The following SORCS1 variants were observed in gnomAD, a reference collection of about 807,000 sequenced individuals.
SORCS1 encodes the protein VPS10 domain-containing receptor SorCS1.
A neutral mutation model predicts 146.1 loss-of-function variants in SORCS1; 60 were observed. The ratio of observed to expected loss-of-function variants is 0.41; its 90% CI spans 0.33 to 0.51. The LOEUF is 0.51. Among genes scored for constraint, SORCS1 ranks in the 20% least tolerant of loss-of-function variants. SORCS1 has a pLI of 0.21. For synonymous variants in SORCS1, 637 were observed against 584.0 expected, an observed-to-expected ratio of 1.09 and a Z score of -1.31; for missense variants, 1,352 against 1,487.6, an observed-to-expected ratio of 0.91 and a Z score of 1.50.
intron 1 of SORCS1, among the ~76,000 whole-genome samples, chr10:107,012,675 T>C (rs887378314): frequency 1.3e-5 from 2 of 152,184 alleles, no homozygotes; most frequent in Non-Finnish European, 2.9e-5. Flanking sequence ...CTGCCTCTAG[T>C]GTCCACATGT....
intron 5 of SORCS1, among the ~76,000 whole-genome samples, chr10:106,753,188 T>A (rs1036137218): frequency 3.3e-5 from 5 of 152,188 alleles, no homozygotes; most frequent in Non-Finnish European, 7.3e-5. Flanking sequence ...TTAGACTTCA[T>A]CCTATTTCCA....
chr10:107,040,275 A>G (rs1177738808), intron 1 of SORCS1, among the ~76,000 whole-genome samples: 1 of 152,050 alleles, frequency 6.6e-6, no homozygotes, highest in Non-Finnish European at 1.5e-5. Flanking sequence ...TCTTCTTGCC[A>G]TGTTAATTTC....
At chr10:106,996,194 T>C (rs1344259107) in intron 1 of SORCS1, among the ~76,000 whole-genome samples, 1 of 136,278 alleles carries the variant, frequency 7.3e-6, no homozygotes, top group Non-Finnish European at 1.5e-5. Context: ...GCCACTGTAC[T>C]CCAGCCTGGG....
intron 2 of SORCS1, among the ~76,000 whole-genome samples, chr10:106,850,206 G>A (rs1321954664): frequency 6.6e-6 from 1 of 151,988 alleles, no homozygotes; most frequent in Non-Finnish European, 1.5e-5. Flanking sequence ...CTTGCAGTTT[G>A]ATCTCAGACT....
intron 13 of SORCS1, among the ~76,000 whole-genome samples, chr10:106,675,753 A>G (rs1010405525): frequency 6.6e-6 from 1 of 152,176 alleles, no homozygotes; most frequent in African/African-American, 2.4e-5. Context: ...CTAATCGCCA[A>G]TATGATGATT....
chr10:106,991,571 T>G (rs909525170), intron 1 of SORCS1, among the ~76,000 whole-genome samples: 1 of 152,226 alleles, frequency 6.6e-6, no homozygotes, highest in African/African-American at 2.4e-5. Context: ...AAAGTAGTTA[T>G]GCCTTTTGAA....
intron 24 of SORCS1, among the ~76,000 whole-genome samples, chr10:106,580,584 C>T (rs1844846178): frequency 6.6e-6 from 1 of 152,172 alleles, no homozygotes; most frequent in Admixed American, 6.5e-5. Flanking sequence ...TCAACTTAAG[C>T]AAAGCCTGAT....
intron 2 of SORCS1, among the ~76,000 whole-genome samples, chr10:106,900,597 G>C (rs1469021340): frequency 1.3e-5 from 2 of 152,114 alleles, no homozygotes; most frequent in African/African-American, 4.8e-5. Flanking sequence ...GTGAGATTAA[G>C]CTTCAATCAT....
chr10:106,592,668 T>G (rs770906000), intron 24 of SORCS1, among the ~76,000 whole-genome samples: 10 of 151,318 alleles, frequency 6.6e-5, no homozygotes, highest in Non-Finnish European at 1.3e-4. Flanking sequence ...CAATGGTTCT[T>G]TTTTTTTTCT....
intron 5 of SORCS1, among the ~76,000 whole-genome samples, chr10:106,760,816 GGGA>G (rs1859049581): frequency 6.6e-6 from 1 of 152,036 alleles, no homozygotes; most frequent in Non-Finnish European, 1.5e-5. Context: ...ACATGACAAG[GGGA>G]AGGCCGGCCA....
At chr10:106,922,780 G>C (rs1029273613) in intron 2 of SORCS1, among the ~76,000 whole-genome samples, 1 of 152,016 alleles carries the variant, frequency 6.6e-6, no homozygotes, top group Non-Finnish European at 1.5e-5. Context: ...TAATAACAAT[G>C]TGTCCACCAT....
intron 3 of SORCS1, among the ~76,000 whole-genome samples, chr10:106,826,078 T>C (rs2136973593): frequency 6.6e-6 from 1 of 152,328 alleles, no homozygotes; most frequent in East Asian, 1.9e-4. Flanking sequence ...TATTCTGGAC[T>C]CTGATCCCCG....
chr10:106,730,625 G>A (rs187947432), intron 5 of SORCS1, among the ~76,000 whole-genome samples: 9 of 152,116 alleles, frequency 5.9e-5, no homozygotes, highest in East Asian at 1.9e-4. Flanking sequence ...CTGTATTGTC[G>A]AACCCGTGTG....
At chr10:107,143,797 C>T (rs1968053687) in intron 1 of SORCS1, among the ~76,000 whole-genome samples, 1 of 152,034 alleles carries the variant, frequency 6.6e-6, no homozygotes, top group African/African-American at 2.4e-5. Context: ...AGCCACCACG[C>T]CCGGCCTAAT....
At chr10:106,791,394 A>G (rs564832512) in intron 3 of SORCS1, among the ~76,000 whole-genome samples, 18 of 152,300 alleles carry the variant, frequency 1.2e-4, no homozygotes, top group African/African-American at 3.8e-4. Flanking sequence ...AGTGAAATTT[A>G]TGGATAAAGA....
chr10:107,039,021 A>T (rs1011629562), intron 1 of SORCS1, among the ~76,000 whole-genome samples: 1 of 150,124 alleles, frequency 6.7e-6, no homozygotes, highest in African/African-American at 2.5e-5. Flanking sequence ...GTGTAAAATT[A>T]AAAAAAGGAT....
chr10:106,670,624 T>C (rs1398694975), intron 16 of SORCS1, among the ~76,000 whole-genome samples: 1 of 152,126 alleles, frequency 6.6e-6, no homozygotes, highest in Non-Finnish European at 1.5e-5. Context: ...CATAGATGTT[T>C]GTTTGCTCCC....
chr10:106,962,394 C>CAAAAAAAAAAAAAAAAAAAAAATAAAAA (rs60616146), intron 1 of SORCS1, among the ~76,000 whole-genome samples: 1 of 62,580 alleles, frequency 1.6e-5, no homozygotes. Flanking sequence ...AACTCCATCT[C>CAAAAAAAAAAAAAAAAAAAAAATAAAAA]AAAAAAAAAA....
intron 24 of SORCS1, among the ~76,000 whole-genome samples, chr10:106,581,315 TCATA>T (rs1392917698): frequency 6.4e-4 from 84 of 130,512 alleles, no homozygotes; most frequent in Admixed American, 1.3e-3. Context: ...ACCTGAATCG[TCATA>T]CATACACACA....
Sources: allele counts gnomAD v4.1 joint callset (sites outside exome capture counted in the v4.1 genomes callset), GRCh38; gene constraint gnomAD v4.1.1; transcripts MANE v1.5; gene names NCBI Gene and HGNC (gene_info 2026-07-23, HGNC 2026-07-21).